The following NFIB variants were observed in gnomAD, a reference collection of about 807,000 sequenced individuals.
The protein encoded by NFIB is nuclear factor I B, also known as nuclear factor 1 B-type.
NFIB carries 11 observed loss-of-function variants against 61.5 expected under a neutral mutation model. The observed-to-expected ratio is 0.18, with a 90% CI of 0.11 to 0.30. The LOEUF is 0.30. Among genes scored for constraint, NFIB ranks in the 10% least tolerant of loss-of-function variants. The pLI is 1.00. For missense variants in NFIB, 471 were observed against 608.9 expected (o/e 0.77, Z 2.38); for synonymous variants, 260 against 216.5 (o/e 1.20, Z -1.76).
intron 2 of NFIB, among the ~76,000 whole-genome samples, chr9:14,285,035 T>G (rs1721729714): frequency 1.3e-5 from 2 of 152,220 alleles, no homozygotes; most frequent in South Asian, 4.1e-4. Flanking sequence ...TTTAAAAGAT[T>G]TGCTTGGAAA....
chr9:14,253,921 G>T (rs1455943395), intron 2 of NFIB, among the ~76,000 whole-genome samples: 1 of 151,900 alleles, frequency 6.6e-6, no homozygotes, highest in Non-Finnish European at 1.5e-5. Context: ...ACATTTTCCT[G>T]CCCTTTGACT....
chr9:14,407,686 C>CTTTTTA, the NFIB span, among the ~76,000 whole-genome samples: 1 of 152,074 alleles, frequency 6.6e-6, no homozygotes, highest in African/African-American at 2.4e-5. Context: ...AAAAAATTTA[C>CTTTTTA]TTTTTATTTT....
At chr9:14,459,928 G>A in the NFIB span, among the ~76,000 whole-genome samples, 7 of 151,900 alleles carry the variant, frequency 4.6e-5, no homozygotes, top group African/African-American at 1.4e-4. Context: ...GGGGACTGTA[G>A]ACTAGTTCAA....
At chr9:14,466,744 A>T in the NFIB span, among the ~76,000 whole-genome samples, 2 of 151,912 alleles carry the variant, frequency 1.3e-5, no homozygotes, top group African/African-American at 4.8e-5. Flanking sequence ...TGCCTTTGTT[A>T]TTCATTTTAA....
At chr9:14,142,088 A>G (rs1235323556) in intron 6 of NFIB, among the ~76,000 whole-genome samples, 2 of 152,180 alleles carry the variant, frequency 1.3e-5, no homozygotes, top group African/African-American at 4.8e-5. Flanking sequence ...ATTGTTTTCA[A>G]TGTTCAAGCA....
At chr9:14,427,934 G>GTTTTTTTTT in the NFIB span, among the ~76,000 whole-genome samples, 48 of 25,968 alleles carry the variant, frequency 1.8e-3, 1 homozygote, top group African/African-American at 2.4e-3. Context: ...CTTTAATTCA[G>GTTTTTTTTT]TTGTTTTTTT....
intron 1 of NFIB, among the ~76,000 whole-genome samples, chr9:14,372,610 G>A (rs2061370529): frequency 6.6e-6 from 1 of 152,100 alleles, no homozygotes; most frequent in Non-Finnish European, 1.5e-5. Context: ...AGTTGTTCCA[G>A]ACACTGACCC....
At chr9:14,234,072 G>C (rs1259069309) in intron 2 of NFIB, among the ~76,000 whole-genome samples, 2 of 152,162 alleles carry the variant, frequency 1.3e-5, no homozygotes, top group African/African-American at 4.8e-5. Flanking sequence ...GCTAACTTCT[G>C]TGACTCTTGG....
At chr9:14,171,811 G>A (rs1051441728) in intron 3 of NFIB, among the ~76,000 whole-genome samples, 12 of 152,050 alleles carry the variant, frequency 7.9e-5, no homozygotes, top group African/African-American at 2.4e-4. Context: ...AAAAGTAGTT[G>A]GACACATAGG....
intron 1 of NFIB, among the ~76,000 whole-genome samples, chr9:14,310,315 T>C (rs1241831820): frequency 1.3e-5 from 2 of 152,176 alleles, no homozygotes; most frequent in African/African-American, 4.8e-5. Context: ...CTTATTGATA[T>C]CGTTCAGGGT....
At chr9:14,125,239 C>T (rs1263542286) in intron 7 of NFIB, among the ~76,000 whole-genome samples, 2 of 152,288 alleles carry the variant, frequency 1.3e-5, no homozygotes, top group Non-Finnish European at 2.9e-5. Context: ...CTTACTGCAA[C>T]CTTTGCCTCC....
intron 2 of NFIB, among the ~76,000 whole-genome samples, chr9:14,189,312 C>G (rs12349392): frequency 0.048 from 7,373 of 152,228 alleles, 553 homozygotes; most frequent in African/African-American, 0.16. Flanking sequence ...CTCCAAACTG[C>G]CTGGAGAGTC....
chr9:14,185,616 G>C (rs2047257317), intron 2 of NFIB, among the ~76,000 whole-genome samples: 1 of 152,178 alleles, frequency 6.6e-6, no homozygotes, highest in Non-Finnish European at 1.5e-5. Flanking sequence ...CTTTGGGATA[G>C]GGCCTGGCAC....
At chr9:14,220,177 C>T (rs1345359858) in intron 2 of NFIB, among the ~76,000 whole-genome samples, 1 of 152,200 alleles carries the variant, frequency 6.6e-6, no homozygotes, top group Non-Finnish European at 1.5e-5. Flanking sequence ...CCCCTGAATT[C>T]TCTTCATCAA....
the NFIB span, among the ~76,000 whole-genome samples, chr9:14,463,947 A>C: frequency 6.6e-6 from 1 of 152,230 alleles, no homozygotes; most frequent in Non-Finnish European, 1.5e-5. Flanking sequence ...GGCGTGAGCC[A>C]GGGCGCCTGG....
At chr9:14,397,926 C>T (rs1168262724) in intron 1 of NFIB, among the ~76,000 whole-genome samples, 1 of 152,172 alleles carries the variant, frequency 6.6e-6, no homozygotes, top group Non-Finnish European at 1.5e-5. Context: ...CTGGTTTTCT[C>T]ATGTCGCCTG....
intron 6 of NFIB, among the ~76,000 whole-genome samples, chr9:14,142,848 T>C (rs2041901809): frequency 6.6e-6 from 1 of 152,152 alleles, no homozygotes; most frequent in African/African-American, 2.4e-5. Context: ...GACCAGGATT[T>C]ACAGAAGAGA....
At chr9:14,118,209 G>C (rs1308548860) in intron 8 of NFIB, among the ~76,000 whole-genome samples, 3 of 152,062 alleles carry the variant, frequency 2.0e-5, no homozygotes, top group Non-Finnish European at 4.4e-5. Flanking sequence ...CTGGAAATAA[G>C]TGCTTTAAAT....
At chr9:14,424,016 G>C in the NFIB span, among the ~76,000 whole-genome samples, 1 of 151,960 alleles carries the variant, frequency 6.6e-6, no homozygotes, top group Admixed American at 6.6e-5. Context: ...TCGCTTTTTT[G>C]GCAAGGGGTG....
Sources: allele counts gnomAD v4.1 joint callset (sites outside exome capture counted in the v4.1 genomes callset), GRCh38; gene constraint gnomAD v4.1.1; transcripts MANE v1.5; gene names NCBI Gene and HGNC (gene_info 2026-07-23, HGNC 2026-07-21).